The following BSPH1 variants were observed in gnomAD, a reference collection of about 807,000 sequenced individuals.
BSPH1 encodes the protein binder of sperm 1.
BSPH1 carries 21 observed loss-of-function variants against 22.5 expected under a neutral mutation model. The observed-to-expected ratio is 0.93, with a 90% CI of 0.66 to 1.35. The LOEUF is 1.35. BSPH1 is among the 40% of genes most tolerant of loss of function. The pLI is 0.00. For synonymous variants in BSPH1, 42 were observed against 53.6 expected (o/e 0.78, Z 0.95); for missense variants, 141 against 154.2 (o/e 0.91, Z 0.45).
intron 1 of BSPH1, among the ~76,000 whole-genome samples, chr19:47,991,297 G>A (rs1241920536): frequency 6.6e-6 from 1 of 152,052 alleles, no homozygotes; most frequent in Non-Finnish European, 1.5e-5. Context: ...TGGTCGACCA[G>A]CTGATGTCCA....
chr19:47,979,387 G>C (rs555812650), intron 3 of BSPH1, among the ~76,000 whole-genome samples, 183 bp downstream of exon 3: 1 of 152,066 alleles, frequency 6.6e-6, no homozygotes, highest in Non-Finnish European at 1.5e-5. Flanking sequence ...ATTTAGTGCT[G>C]ATGAAAGTTC....
In BSPH1 at chr19:47,992,053, T is replaced by A. The variant is rs1296837924; in HGVS notation, c.29A>T (p.Glu10Val). The A allele has an allele frequency of 2.5e-5, 39 of 1,551,298 alleles. No individual in the cohort carries two copies. The highest frequency in any genetic ancestry group is 3.3e-5 in the Non-Finnish European group (38 of 1,146,732). The change falls in exon 1 of 6, where the codon GAA (glutamate) becomes GTA (valine). Residue 10 changes from glutamate to valine, a missense_variant. Coordinates refer to ENST00000344839, the MANE Select transcript of BSPH1 (RefSeq NM_001128326.2). Reference protein sequence around the residue: MGSLMLLFVETTRNSSACIF... With the variant: MGSLMLLFVVTTRNSSACIF... Reference sequence around the variant, plus strand: ...GCAAGCTGAGGAATTTCGCGTCGTTTCCACGAAGAGAAGCATCAGGGAGCC... The same window carrying A: ...GCAAGCTGAGGAATTTCGCGTCGTTACCACGAAGAGAAGCATCAGGGAGCC...
At position 47,985,075 on chromosome 19, in the gene BSPH1, A is replaced by G. The variant is rs915021496; in HGVS notation, c.74-4134T>C. Among the ~76,000 whole-genome samples, 5 of 116,558 alleles carry G rather than the reference A, an allele frequency of 4.3e-5. No individual in the cohort carries two copies. The South Asian group carries it at 1.0e-3, about 23-fold the overall frequency. The allele number at this position is 116,558 out of a possible 152,430, so 76.5% of individuals were successfully genotyped here. A position where few individuals can be genotyped will look rare whatever the true frequency, so the allele number is the denominator to read the frequency against. On this transcript the variant is annotated intron_variant, in intron 1 of 5. Transcript: ENST00000344839. ...CAAGACTCTGTCTGAAAAAAAAAAA[A>G]AAAGAAAGAAAAAGAAAAAGAAAAC...
Position 47,992,160 on chromosome 19 carries a change from C to G in BSPH1, c.-79G>C, listed in dbSNP as rs758751920. 222 of 1,158,456 alleles carry G rather than the reference C, an allele frequency of 1.9e-4. No homozygotes were observed. The highest frequency in any genetic ancestry group is 2.6e-4 in the Non-Finnish European group (212 of 802,608). 71.8% of individuals were successfully genotyped at this position (1,158,456 alleles called of 1,614,324 possible). On this transcript the variant is annotated 5_prime_UTR_variant, in exon 1 of 6. Coordinates refer to ENST00000344839, the MANE Select transcript of BSPH1 (RefSeq NM_001128326.2). ...GGCTCAAGAATCCCCTGGAGAGGCC[C>G]AGGGAGGCTTCTTGGAAAAGCAGGT... is the stretch of plus-strand genomic sequence containing the variant.
At chr19:47,975,677 A>G (rs1969355210) in intron 5 of BSPH1, among the ~76,000 whole-genome samples, 2 of 128,298 alleles carry the variant, frequency 1.6e-5, no homozygotes, top group African/African-American at 6.0e-5. Context: ...TTTTTTTGAG[A>G]CGGAGTCTCG....
At chr19:47,971,197 T>TTTAA (rs903854764) in intron 5 of BSPH1, among the ~76,000 whole-genome samples, 9 of 152,176 alleles carry the variant, frequency 5.9e-5, no homozygotes, top group Admixed American at 6.5e-5. Context: ...TATTTTATCG[T>TTTAA]TTAATTAATT....
intron 1 of BSPH1, among the ~76,000 whole-genome samples, chr19:47,984,799 G>A (rs986571041): frequency 2.0e-5 from 3 of 152,190 alleles, no homozygotes; most frequent in Admixed American, 6.5e-5. Context: ...ATTGATGGCC[G>A]GGTGCAGTGG....
intron 5 of BSPH1, among the ~76,000 whole-genome samples, chr19:47,973,261 A>AATAATC (rs1182970596): frequency 6.9e-6 from 1 of 145,904 alleles, no homozygotes; most frequent in East Asian, 2.0e-4. Flanking sequence ...TAATAATAAT[A>AATAATC]ATGTAGGCAG....
rs1233688125 is a variant in BSPH1, at chr19:47,976,719, C to G, written c.392G>C (p.Cys131Ser). 2 of 1,551,670 alleles carry G rather than the reference C, an allele frequency of 1.3e-6. No individual in the cohort carries two copies. The highest frequency in any genetic ancestry group is 1.4e-5 in the African/African-American group (1 of 73,128). ...NFNKDRIWKY[C>S]E is the part of the protein sequence containing the mutation. Reference sequence around the variant, plus strand: ...CCCTGGTAAATCTCACCATCATTCACAGTATTTCCAAATTCGGTCCTTGTT... The same window carrying G: ...CCCTGGTAAATCTCACCATCATTCAGAGTATTTCCAAATTCGGTCCTTGTT... Residue 131 changes from cysteine (C) to serine (S), a missense_variant, in exon 5 of 6, where the codon TGT (cysteine) becomes TCT (serine). Cys to Ser is a moderately radical substitution (Grantham distance 112). Coordinates refer to ENST00000344839, the MANE Select transcript of BSPH1 (RefSeq NM_001128326.2).
chr19:47,967,460 A>G (rs1322145753), downstream of BSPH1, among the ~76,000 whole-genome samples: 1 of 152,138 alleles, frequency 6.6e-6, no homozygotes, highest in Non-Finnish European at 1.5e-5. Flanking sequence ...TTATTTTCTC[A>G]CTGTTCTGGA....
intron 4 of BSPH1, 92 bp downstream of exon 4, chr19:47,977,281 T>A: frequency 2.1e-6 from 2 of 940,390 alleles, no homozygotes; most frequent in South Asian, 3.4e-5. Context: ...GGCTATGGAT[T>A]CTATTTTCAG....
intron 5 of BSPH1, among the ~76,000 whole-genome samples, chr19:47,970,282 C>T (rs1021923097): frequency 1.3e-5 from 2 of 152,188 alleles, no homozygotes. Flanking sequence ...TGGTCTCAAA[C>T]TCCTGACCTC....
intron 5 of BSPH1, among the ~76,000 whole-genome samples, chr19:47,971,169 T>A (rs747789395): frequency 6.6e-6 from 1 of 152,252 alleles, no homozygotes; most frequent in South Asian, 2.1e-4. Context: ...AGCGATTTTG[T>A]GAGCCACTAA....
intron 1 of BSPH1, among the ~76,000 whole-genome samples, chr19:47,988,266 A>G (rs6509357): frequency 0.7 from 106,737 of 152,046 alleles, 37,989 homozygotes; most frequent in African/African-American, 0.82. Flanking sequence ...TTTTGGTACT[A>G]TAATAGTAGT....
At chr19:47,987,542 T>C (rs1047522142) in intron 1 of BSPH1, among the ~76,000 whole-genome samples, 1 of 152,016 alleles carries the variant, frequency 6.6e-6, no homozygotes, top group Non-Finnish European at 1.5e-5. Context: ...CACACTACCA[T>C]AGCTGGCTAA....
intron 3 of BSPH1, chr19:47,977,784 A>G: frequency 1.7e-6 from 1 of 591,744 alleles, no homozygotes; most frequent in Non-Finnish European, 2.1e-6. Flanking sequence ...CTAAGCGTAG[A>G]AATATAAATG....
intron 1 of BSPH1, among the ~76,000 whole-genome samples, chr19:47,986,922 GC>G (rs1969476465): frequency 6.6e-6 from 1 of 152,150 alleles, no homozygotes; most frequent in Admixed American, 6.5e-5. Context: ...CTCTCTCCTT[GC>G]TTTTGGTGGC....
rs576630777 is a variant in BSPH1, at chr19:47,976,754, G to A, written c.357C>T (p.Thr119=). Residue 119 remains threonine, a synonymous_variant, in exon 5 of 6, where the codon ACC becomes ACT. Transcript: ENST00000344839. The part of the protein sequence containing the change: ...EAFGKKWCSL[T]KNFNKDRIWK... The stretch of plus-strand genomic sequence containing the variant: ...AAATTCGGTCCTTGTTAAAATTCTT[G>A]GTCAGTGAACACCATTTTTTCCCAA... 1.9e-6 allele frequency: 3 copies of A among 1,551,620 alleles called. No individual in the cohort carries two copies. Among genetic ancestry groups the A allele is most frequent in the African/African-American group, 1.4e-5 (1 of 73,104 alleles).
downstream of BSPH1, chr19:47,967,992 A>T (rs1220083492): frequency 6.6e-6 from 1 of 152,060 alleles, no homozygotes; most frequent in Non-Finnish European, 1.5e-5. Context: ...GGATGCCTGG[A>T]CTCTGATGTC....
Sources: allele counts gnomAD v4.1 joint callset (sites outside exome capture counted in the v4.1 genomes callset), GRCh38; gene constraint gnomAD v4.1.1; transcripts MANE v1.5; gene names NCBI Gene and HGNC (gene_info 2026-07-23, HGNC 2026-07-21).